The following NBEAL1 variants were observed in gnomAD, a reference collection of about 807,000 sequenced individuals.
NBEAL1 encodes the protein neurobeachin-like protein 1.
In NBEAL1, 273 loss-of-function variants were observed where a neutral mutation model predicts 351.3. That is an observed-to-expected ratio of 0.78 (90% CI 0.70 to 0.86). The LOEUF (loss-of-function observed/expected upper bound fraction) is 0.86. Ranked by LOEUF, NBEAL1 falls within the 40% of genes least tolerant of loss-of-function variation. The pLI is 0.00. For synonymous variants in NBEAL1, 1,050 were observed against 1,086.4 expected (o/e 0.97, Z 0.66); for missense variants, 2,961 against 3,201.3 (o/e 0.92, Z 1.81).
chr2:203,201,775 A>C, intron 50 of NBEAL1, 60 bp downstream of exon 50: 1 of 1,392,656 alleles, frequency 7.2e-7, no homozygotes, highest in Non-Finnish European at 9.7e-7. Context: ...TTAAGTATAA[A>C]AGTAGTACGT....
chr2:203,116,683 G>T (rs1321840975), intron 18 of NBEAL1, among the ~76,000 whole-genome samples: 4 of 151,220 alleles, frequency 2.6e-5, no homozygotes, highest in African/African-American at 9.7e-5. Context: ...CCAGCTACTT[G>T]GGAGGCAAAG....
rs572619638 is a variant in NBEAL1, at chr2:203,040,431, A to G, written c.52-1334A>G. On this transcript the variant is annotated intron_variant, in intron 2 of 55. Coordinates refer to ENST00000683969, the MANE Select transcript of NBEAL1 (RefSeq NM_001378026.1). ...GTTTACCGGTGGAGAGAACCGTTGT[A>G]AGACTTCGCCTGAAGAAAATGTTTA... 7.9e-4 allele frequency: 568 copies of G among 719,502 alleles called. 5 individuals carry two copies. The highest frequency in any genetic ancestry group is 7.6e-3 in the South Asian group (549 of 72,132). The allele number at this position is 719,502 out of a possible 1,614,324, so 44.6% of individuals were successfully genotyped here.
At chr2:203,155,461 G>A (rs1156733192) in intron 35 of NBEAL1, among the ~76,000 whole-genome samples, 1 of 151,806 alleles carries the variant, frequency 6.6e-6, no homozygotes, top group East Asian at 1.9e-4. Flanking sequence ...TTGTGAGACA[G>A]GATATCTTTC....
intron 43 of NBEAL1, among the ~76,000 whole-genome samples, chr2:203,180,724 G>C (rs1360067755): frequency 1.3e-5 from 2 of 152,068 alleles, no homozygotes; most frequent in African/African-American, 4.8e-5. Flanking sequence ...ATTTGAATCA[G>C]TAAGAGAATT....
At chr2:203,160,305 T>C (rs918414263) in intron 36 of NBEAL1, among the ~76,000 whole-genome samples, 20 of 152,194 alleles carry the variant, frequency 1.3e-4, no homozygotes, top group African/African-American at 4.6e-4. Flanking sequence ...GGTCTCAAAC[T>C]CCTGACCTCA....
chr2:203,164,757 AC>A (rs1295619358), intron 36 of NBEAL1, among the ~76,000 whole-genome samples: 2 of 152,098 alleles, frequency 1.3e-5, no homozygotes, highest in Non-Finnish European at 2.9e-5. Context: ...AGTCATTGGT[AC>A]CCTGGACATG....
At position 203,056,406 on chromosome 2, in the gene NBEAL1, TAA is replaced by T. The variant is rs781163284; in HGVS notation, c.306-19_306-18del. ...TGTTCACCATTCTTATGTAAAAAAT[TAA>T]AGTCTCTTTTTCTCACAGAAATCTA... is the stretch of plus-strand genomic sequence containing the variant. On this transcript the variant is annotated intron_variant, in intron 4 of 55. Coordinates refer to ENST00000683969, the MANE Select transcript of NBEAL1 (RefSeq NM_001378026.1). 3 of 1,390,492 alleles carry T rather than the reference TAA, an allele frequency of 2.2e-6. No individual in the cohort carries two copies. The African/African-American group carries it at 4.3e-5, about 20-fold the overall frequency. The allele number at this position is 1,390,492 out of a possible 1,614,324, so 86.1% of individuals were successfully genotyped here. A position where few individuals can be genotyped will look rare whatever the true frequency, so the allele number is the denominator to read the frequency against.
intron 18 of NBEAL1, among the ~76,000 whole-genome samples, chr2:203,119,175 T>C (rs568379707): frequency 6.6e-6 from 1 of 152,034 alleles, no homozygotes; most frequent in East Asian, 1.9e-4. Context: ...TTCTATTTTT[T>C]TTTTTTTTAA....
intron 6 of NBEAL1, among the ~76,000 whole-genome samples, chr2:203,058,823 T>C (rs1195909515): frequency 2.0e-5 from 3 of 152,078 alleles, no homozygotes; most frequent in Non-Finnish European, 4.4e-5. Flanking sequence ...GCAGAGAGAA[T>C]ATAGAAGGGT....
chr2:203,105,311 C>T (rs1054461394), intron 12 of NBEAL1, among the ~76,000 whole-genome samples: 2 of 151,404 alleles, frequency 1.3e-5, no homozygotes, highest in African/African-American at 4.8e-5. Flanking sequence ...AAAAAAAATA[C>T]AAAAATTAGC....
chr2:203,070,429 T>G (rs2061663193), intron 7 of NBEAL1, among the ~76,000 whole-genome samples: 1 of 145,894 alleles, frequency 6.9e-6, no homozygotes, highest in Admixed American at 7.0e-5. Flanking sequence ...TATGGTATAA[T>G]CATAGCTTAC....
In NBEAL1 at chr2:203,057,308, G is replaced by A. The variant is rs1353305573; in HGVS notation, c.388-18G>A. 1.3e-6 allele frequency: 2 copies of A among 1,535,226 alleles called. No homozygotes were observed. The highest frequency in any genetic ancestry group is 1.4e-5 in the African/African-American group (1 of 72,400). ...TAAGTAAGGCATGTCTTTAATTTATGTTTAACTTTGTTCTCAGTTAAAAAG... is the reference window on the plus strand; with the variant it reads ...TAAGTAAGGCATGTCTTTAATTTATATTTAACTTTGTTCTCAGTTAAAAAG... On this transcript the variant is annotated intron_variant, in intron 5 of 55. Coordinates refer to ENST00000683969, the MANE Select transcript of NBEAL1 (RefSeq NM_001378026.1).
chr2:203,023,090 A>C (rs999076541), intron 2 of NBEAL1, among the ~76,000 whole-genome samples: 2 of 152,210 alleles, frequency 1.3e-5, no homozygotes, highest in Non-Finnish European at 2.9e-5. Context: ...CTTTTTATAC[A>C]TAGATTTGGA....
At chr2:203,108,892 T>A (rs2062500208) in intron 14 of NBEAL1, among the ~76,000 whole-genome samples, 2 of 151,686 alleles carry the variant, frequency 1.3e-5, no homozygotes. Flanking sequence ...ACAAAAAATA[T>A]AAAAATTAGC....
chr2:203,077,835 C>A lies in NBEAL1; in HGVS notation c.682C>A (p.Gln228Lys). 2 of 1,434,744 alleles carry A rather than the reference C, an allele frequency of 1.4e-6. No individual in the cohort carries two copies. The highest frequency in any genetic ancestry group is 1.8e-6 in the Non-Finnish European group (2 of 1,086,508). The allele number at this position is 1,434,744 out of a possible 1,614,324, so 88.9% of individuals were successfully genotyped here. ...CTTTGGAGCCATTGTAGCCGGTGGG[C>A]AGGTAAGGAAAGTGTTGAAATTTAA... is the stretch of plus-strand genomic sequence containing the variant. ...HLFGAIVAGG[Q>K]RNALQAISPA... is the part of the protein sequence containing the mutation. Residue 228 changes from glutamine (Q) to lysine (K), a missense_variant and splice_region_variant, in exon 8 of 56, where the codon CAG (glutamine) becomes AAG (lysine). Coordinates refer to ENST00000683969, the MANE Select transcript of NBEAL1 (RefSeq NM_001378026.1).
In NBEAL1 at chr2:203,019,389, A is replaced by T. The variant is rs183652233; in HGVS notation, c.51+2954A>T. Among the ~76,000 whole-genome samples, 3 of 152,320 alleles carry T rather than the reference A, an allele frequency of 2.0e-5. No homozygotes were observed. In the East Asian group the frequency reaches 5.8e-4, roughly 29 times the overall value. On this transcript the variant is annotated intron_variant, in intron 2 of 55. Transcript: ENST00000683969. ...GCATATATGTTTGATTCTCTTTGTC[A>T]GTTTTCACAATGACTTAATTTACTA...
rs367998434 is a variant in NBEAL1 at position 203,180,509 on chromosome 2, A to G, written c.6592A>G (p.Asn2198Asp). The G allele has an allele frequency of 1.4e-5, 22 of 1,605,870 alleles. No homozygotes were observed. The highest frequency in any genetic ancestry group is 1.8e-5 in the Non-Finnish European group (21 of 1,177,036). Residue 2198 changes from asparagine (N) to aspartate (D), a missense_variant, in exon 43 of 56, where the codon AAT (asparagine) becomes GAT (aspartate). By Grantham distance (23) the Asn-to-Asp change is conservative (BLOSUM62 1). Coordinates refer to ENST00000683969, the MANE Select transcript of NBEAL1 (RefSeq NM_001378026.1). ...FYFPEFLENQ[N>D]QFNLGRLQIS... ...TTTCCCAGAGTTTTTGGAAAATCAAAATCGTAAGAAATAGAGGATTAAAAA... is the reference window on the plus strand; with the variant it reads ...TTTCCCAGAGTTTTTGGAAAATCAAGATCGTAAGAAATAGAGGATTAAAAA...
intron 2 of NBEAL1, among the ~76,000 whole-genome samples, chr2:203,036,932 A>C (rs1423315146): frequency 6.7e-6 from 1 of 149,232 alleles, no homozygotes; most frequent in Non-Finnish European, 1.5e-5. Flanking sequence ...ATGGTAAGGA[A>C]AACTTCAGCT....
At position 203,183,313 on chromosome 2, in the gene NBEAL1, A is replaced by G. The variant is rs975178646; in HGVS notation, c.6630A>G (p.Glu2210=). The part of the protein sequence containing the change: ...FNLGRLQISK[E]LVNDVILPKW... ...TGGGTCGTCTACAGATTTCCAAAGAATTAGTAAATGATGTCATTCTCCCGA... is the reference window on the plus strand; with the variant it reads ...TGGGTCGTCTACAGATTTCCAAAGAGTTAGTAAATGATGTCATTCTCCCGA... The change falls in exon 44 of 56, where the codon GAA becomes GAG. Residue 2210 remains glutamate, a synonymous_variant. Transcript: ENST00000683969. 6.3e-7 allele frequency: 1 copy of G among 1,599,004 alleles called. No individual in the cohort carries two copies. The highest frequency in any genetic ancestry group is 8.5e-7 in the Non-Finnish European group (1 of 1,173,342).
Sources: gnomAD v4.1 joint callset for allele counts (sites outside exome capture counted in the v4.1 genomes callset) on GRCh38, gnomAD v4.1.1 for gene constraint, MANE v1.5 for transcripts, NCBI Gene and HGNC (gene_info 2026-07-23, HGNC 2026-07-21) for gene names.